The following MYO10 variants were observed in gnomAD, a reference collection of about 807,000 sequenced individuals.
MYO10 encodes unconventional myosin-X.
Under a neutral mutation model 257.3 loss-of-function variants are expected in MYO10, and 133 were observed. That is an observed-to-expected ratio of 0.52 (90% CI 0.45 to 0.60). The LOEUF (loss-of-function observed/expected upper bound fraction) is 0.60, where lower values mean the gene tolerates loss of function less well. MYO10 is among the 20% of genes least tolerant of loss of function. The pLI is 0.00. For missense variants in MYO10, 2,399 were observed against 2,635.7 expected, an observed-to-expected ratio of 0.91 and a Z score of 1.97; for synonymous variants, 1,104 against 1,028.6, an observed-to-expected ratio of 1.07 and a Z score of -1.40.
Position 16,763,695 on chromosome 5 carries a change from T to C in MYO10, c.1387A>G (p.Asn463Asp), listed in dbSNP as rs762181517. The change falls in exon 13 of 41, where the codon AAC (asparagine) becomes GAC (aspartate). Residue 463 changes from asparagine to aspartate, a missense_variant. Physicochemically the swap from Asn to Asp is conservative, Grantham distance 23. Transcript: ENST00000513610. Reference sequence around the variant, plus strand: ...TGTTCTAAAGAAAAAATATGCTTGTTGAAGTACTCCTGAAGTTTCTCGTTT... The same window carrying C: ...TGTTCTAAAGAAAAAATATGCTTGTCGAAGTACTCCTGAAGTTTCTCGTTT... Reference protein sequence around the residue: ...YANEKLQEYFNKHIFSLEQLE... With the variant: ...YANEKLQEYFDKHIFSLEQLE... 6.2e-7 allele frequency: 1 copy of C among 1,611,266 alleles called. No homozygotes were observed. The highest frequency in any genetic ancestry group is 1.1e-5 in the South Asian group (1 of 90,930).
At chr5:16,684,457 T>C (rs2126505570) in intron 29 of MYO10, among the ~76,000 whole-genome samples, 1 of 152,290 alleles carries the variant, frequency 6.6e-6, no homozygotes, top group South Asian at 2.1e-4. Context: ...GCCAGGCTGG[T>C]CTCAAATTCC....
At chr5:16,848,851 C>G (rs1040070403) in intron 2 of MYO10, among the ~76,000 whole-genome samples, 1 of 152,156 alleles carries the variant, frequency 6.6e-6, no homozygotes, top group Admixed American at 6.5e-5. Flanking sequence ...CCTACATAAC[C>G]TGTAGGCACA....
chr5:16,792,241 A>G (rs1741789239), intron 4 of MYO10, among the ~76,000 whole-genome samples: 1 of 151,908 alleles, frequency 6.6e-6, no homozygotes, highest in Non-Finnish European at 1.5e-5. Context: ...GTTTAAAAAA[A>G]AAAGGAACTA....
At chr5:16,932,006 C>T (rs1746306254) in intron 1 of MYO10, among the ~76,000 whole-genome samples, 1 of 152,238 alleles carries the variant, frequency 6.6e-6, no homozygotes, top group African/African-American at 2.4e-5. Context: ...TAACCAACCA[C>T]AACCACAGTC....
chr5:16,792,132 C>CAGAGAG (rs1553996647), intron 4 of MYO10, among the ~76,000 whole-genome samples: 33 of 75,378 alleles, frequency 4.4e-4, no homozygotes, highest in African/African-American at 1.1e-3. Flanking sequence ...CACACACACA[C>CAGAGAG]AGAGAGAGAG....
intron 2 of MYO10, among the ~76,000 whole-genome samples, chr5:16,864,415 C>T (rs975861122): frequency 6.6e-6 from 1 of 152,184 alleles, no homozygotes; most frequent in African/African-American, 2.4e-5. Context: ...CTAACACACA[C>T]ACATGATACA....
At chr5:16,877,816 GAA>G (rs1744650243) in intron 1 of MYO10, 109 bp from the exon 2 acceptor site, 4 of 802,248 alleles carry the variant, frequency 5.0e-6, no homozygotes, top group Admixed American at 4.8e-5. Context: ...AAATCTTCTT[GAA>G]AAGTAAATGT....
chr5:16,729,646 G>A (rs561822710), intron 19 of MYO10, among the ~76,000 whole-genome samples: 92 of 152,058 alleles, frequency 6.1e-4, no homozygotes, highest in African/African-American at 2.0e-3. Context: ...GGGTTTCACC[G>A]TGTTAGCCAG....
At chr5:16,864,284 G>T (rs1430621733) in intron 2 of MYO10, among the ~76,000 whole-genome samples, 2 of 152,028 alleles carry the variant, frequency 1.3e-5, no homozygotes, top group Non-Finnish European at 2.9e-5. Context: ...ATTACAAATG[G>T]AGCTTCATTC....
At chr5:16,896,461 T>C (rs1294600979) in intron 1 of MYO10, among the ~76,000 whole-genome samples, 1 of 152,024 alleles carries the variant, frequency 6.6e-6, no homozygotes, top group African/African-American at 2.4e-5. Context: ...CTGGGCATGG[T>C]AGCACATGCC....
chr5:16,813,275 G>A (rs1030128212), intron 3 of MYO10, among the ~76,000 whole-genome samples: 7 of 152,104 alleles, frequency 4.6e-5, no homozygotes, highest in Non-Finnish European at 7.3e-5. Flanking sequence ...ATCCCAACAC[G>A]TTGGAAGGCC....
intron 26 of MYO10, among the ~76,000 whole-genome samples, chr5:16,697,934 G>A (rs1374656137): frequency 1.3e-5 from 2 of 152,094 alleles, no homozygotes; most frequent in Non-Finnish European, 2.9e-5. Context: ...GAAACAGGAC[G>A]GTCCCTTCTT....
chr5:16,686,517 T>C (rs1006747548), intron 28 of MYO10, among the ~76,000 whole-genome samples: 2 of 152,052 alleles, frequency 1.3e-5, no homozygotes, highest in Non-Finnish European at 2.9e-5. Flanking sequence ...GAGTATCATA[T>C]TGGAATGGCC....
At chr5:16,845,587 G>C (rs13181529) in intron 2 of MYO10, among the ~76,000 whole-genome samples, 26,611 of 151,988 alleles carry the variant, frequency 0.18, 2,475 homozygotes, top group East Asian at 0.27. Flanking sequence ...GATTGCTTGA[G>C]CCCAGGAGCT....
rs978333980 is a variant in MYO10, at chr5:16,754,935, A to G, written c.1849-27T>C. ...TATTAGAAAAAGTATATGTTGATTT[A>G]GTCTCTTATTATGTCATTCTTTAAA... On this transcript the variant is annotated intron_variant, in intron 18 of 40. Transcript: ENST00000513610. 4.8e-6 allele frequency: 7 copies of G among 1,461,702 alleles called. No homozygotes were observed. In the African/African-American group the frequency reaches 9.8e-5, roughly 20 times the overall value. The allele number at this position is 1,461,702 out of a possible 1,614,324, so 90.5% of individuals were successfully genotyped here.
rs748182159 is a variant in MYO10 at position 16,763,519 on chromosome 5, A to G, written c.1456T>C (p.Trp486Arg). Residue 486 changes from tryptophan to arginine, a missense_variant, in exon 14 of 41, where the codon TGG (tryptophan) becomes CGG (arginine). Physicochemically the swap from Trp to Arg is moderately radical, Grantham distance 101 (BLOSUM62 -3). Coordinates refer to ENST00000513610, the MANE Select transcript of MYO10 (RefSeq NM_012334.3). ...REGLVWEDIDWIDNGECLDLI... is the reference protein window; with the variant it reads ...REGLVWEDIDRIDNGECLDLI... ...TCCAGGCATTCTCCATTGTCTATCC[A>G]GTCAATATCTTCCCACACTAATCCT... The G allele has an allele frequency of 1.2e-6, 2 of 1,612,572 alleles. No homozygotes were observed. Among genetic ancestry groups the G allele is most frequent in the Admixed American group, 1.7e-5 (1 of 60,006 alleles).
chr5:16,740,732 T>C (rs890513181), intron 19 of MYO10, among the ~76,000 whole-genome samples: 2 of 152,082 alleles, frequency 1.3e-5, no homozygotes. Flanking sequence ...CCCACATTTG[T>C]AAACTAAACA....
intron 19 of MYO10, among the ~76,000 whole-genome samples, chr5:16,712,534 A>T (rs1738669462): frequency 6.6e-6 from 1 of 152,242 alleles, no homozygotes; most frequent in South Asian, 2.1e-4. Flanking sequence ...CCTAACTGTT[A>T]AAAAAATACA....
At chr5:16,705,395 C>T (rs1035771940) in intron 21 of MYO10, among the ~76,000 whole-genome samples, 1 of 152,166 alleles carries the variant, frequency 6.6e-6, no homozygotes, top group African/African-American at 2.4e-5. Flanking sequence ...CCATCCTCTG[C>T]TTATCAAATA....
Sources: allele counts gnomAD v4.1 joint callset (sites outside exome capture counted in the v4.1 genomes callset), GRCh38; gene constraint gnomAD v4.1.1; transcripts MANE v1.5; gene names NCBI Gene and HGNC (gene_info 2026-07-23, HGNC 2026-07-21).